Variants in CCDC3 observed in about 807,000 individuals in gnomAD.
CCDC3 encodes coiled-coil domain-containing protein 3.
In CCDC3, 24 loss-of-function variants were observed where a neutral mutation model predicts 21.4. The observed-to-expected ratio is 1.12, with a 90% CI of 0.81 to 1.58. The LOEUF (loss-of-function observed/expected upper bound fraction) is 1.58, where lower values mean the gene tolerates loss of function less well. Among genes scored for constraint, CCDC3 ranks in the 40% most tolerant of loss-of-function variants. The probability of loss-of-function intolerance (pLI) is 0.00; values close to 1 mark genes in which losing one functional copy is unlikely to be tolerated. For missense variants in CCDC3, 425 were observed against 360.9 expected, an observed-to-expected ratio of 1.18 and a Z score of -1.44; for synonymous variants, 186 against 166.0, an observed-to-expected ratio of 1.12 and a Z score of -0.93.
At chr10:12,916,731 G>T (rs543433953) in intron 2 of CCDC3, among the ~76,000 whole-genome samples, 1 of 152,326 alleles carries the variant, frequency 6.6e-6, no homozygotes, top group South Asian at 2.1e-4. Context: ...ATCTGGAACC[G>T]GAAGTAAGCC....
At chr10:13,029,050 T>C (rs1273162515) in intron 5 of CCDC3, among the ~76,000 whole-genome samples, 3 of 152,076 alleles carry the variant, frequency 2.0e-5, no homozygotes, top group African/African-American at 4.8e-5. Context: ...CTAAACAGGG[T>C]GTGCAGGTGT....
chr10:12,971,695 T>G (rs534089640), intron 2 of CCDC3, among the ~76,000 whole-genome samples: 37 of 152,150 alleles, frequency 2.4e-4, no homozygotes, highest in Non-Finnish European at 4.7e-4. Flanking sequence ...TTTTTATTTG[T>G]TTGTTTTCGA....
chr10:13,036,058 C>T (rs748652329), intron 5 of CCDC3, among the ~76,000 whole-genome samples: 2 of 152,088 alleles, frequency 1.3e-5, no homozygotes, highest in Non-Finnish European at 2.9e-5. Context: ...GCAGGGGAAT[C>T]GCTTGAACCC....
intron 2 of CCDC3, among the ~76,000 whole-genome samples, chr10:12,912,052 A>G (rs1450171207): frequency 2.0e-5 from 3 of 152,176 alleles, no homozygotes; most frequent in Non-Finnish European, 4.4e-5. Flanking sequence ...ATTGACAGAC[A>G]CTTTAGTTTG....
intron 4 of CCDC3, among the ~76,000 whole-genome samples, chr10:13,069,678 C>G (rs979041359): frequency 1.3e-5 from 2 of 151,994 alleles, no homozygotes; most frequent in Non-Finnish European, 2.9e-5. Flanking sequence ...CATTGGATTG[C>G]CAAAATGATG....
At chr10:12,940,763 C>A (rs1435629135) in intron 2 of CCDC3, among the ~76,000 whole-genome samples, 1 of 152,154 alleles carries the variant, frequency 6.6e-6, no homozygotes, top group Non-Finnish European at 1.5e-5. Context: ...TGAGAAAGAG[C>A]CTATAGCCTA....
At chr10:13,093,936 G>A (rs1290045991) in intron 3 of CCDC3, among the ~76,000 whole-genome samples, 3 of 152,262 alleles carry the variant, frequency 2.0e-5, no homozygotes, top group South Asian at 2.1e-4. Context: ...AGACAATGAC[G>A]AGGAACTGTG....
At chr10:12,978,691 G>A (rs1287071913) in intron 2 of CCDC3, among the ~76,000 whole-genome samples, 1 of 152,120 alleles carries the variant, frequency 6.6e-6, no homozygotes, top group Non-Finnish European at 1.5e-5. Context: ...CTAGTCTGCA[G>A]ACACGATGAC....
chr10:12,967,446 TAATC>T (rs1334921237), intron 2 of CCDC3, among the ~76,000 whole-genome samples: 1 of 152,028 alleles, frequency 6.6e-6, no homozygotes, highest in Non-Finnish European at 1.5e-5. Context: ...AAATAATAAA[TAATC>T]AACATTAGAA....
At chr10:12,917,676 G>A (rs916372867) in intron 2 of CCDC3, among the ~76,000 whole-genome samples, 1 of 152,154 alleles carries the variant, frequency 6.6e-6, no homozygotes, top group Non-Finnish European at 1.5e-5. Context: ...GGAACACAGT[G>A]TCTTTTAGTG....
intron 2 of CCDC3, among the ~76,000 whole-genome samples, chr10:12,963,986 G>A (rs1835220495): frequency 1.3e-5 from 2 of 152,154 alleles, no homozygotes; most frequent in African/African-American, 4.8e-5. Context: ...TAATTAAGCA[G>A]GCCTACAAGG....
At chr10:12,980,051 TATG>T (rs1449432673) in intron 2 of CCDC3, among the ~76,000 whole-genome samples, 24 of 152,370 alleles carry the variant, frequency 1.6e-4, no homozygotes, top group African/African-American at 5.3e-4. Context: ...GAGATTCTTT[TATG>T]ATGTTACATG....
intron 5 of CCDC3, among the ~76,000 whole-genome samples, chr10:13,043,589 G>T (rs900459246): frequency 6.6e-6 from 1 of 151,996 alleles, no homozygotes; most frequent in Non-Finnish European, 1.5e-5. Context: ...GTGAGACTTT[G>T]TCTCAAAAAA....
rs950440306 is a variant in CCDC3 at position 12,901,879 on chromosome 10, G to A, written c.550-3200C>T. On this transcript the variant is annotated intron_variant, in intron 2 of 2. Coordinates refer to ENST00000378825, the MANE Select transcript of CCDC3 (RefSeq NM_031455.4). ...CCAGCTCTTCCTCCAACACATCAGC[G>A]CTTTCTCATCCCAGAGGCTCTTCCT... Among the ~76,000 whole-genome samples, 5 of 152,132 alleles carry A rather than the reference G, an allele frequency of 3.3e-5. No individual in the cohort carries two copies. In the South Asian group the frequency reaches 1.0e-3, roughly 32 times the overall value.
At chr10:13,048,399 G>A (rs112305600) in intron 5 of CCDC3, among the ~76,000 whole-genome samples, 8,896 of 152,046 alleles carry the variant, frequency 0.059, 341 homozygotes, top group East Asian at 0.13. Context: ...TCACCATGTT[G>A]GCCAGGACAG....
chr10:12,987,163 C>A (rs928691022), intron 2 of CCDC3, among the ~76,000 whole-genome samples: 14 of 152,228 alleles, frequency 9.2e-5, no homozygotes, highest in Non-Finnish European at 7.3e-5. Context: ...AATTCATCGT[C>A]TCTCACCTCC....
At chr10:13,027,643 T>A (rs1836240486) in intron 5 of CCDC3, among the ~76,000 whole-genome samples, 1 of 151,328 alleles carries the variant, frequency 6.6e-6, no homozygotes, top group African/African-American at 2.4e-5. Context: ...CTTGGGAGTT[T>A]GAGGCTGCAG....
At chr10:12,932,324 A>T (rs1834658904) in intron 2 of CCDC3, among the ~76,000 whole-genome samples, 1 of 152,236 alleles carries the variant, frequency 6.6e-6, no homozygotes, top group African/African-American at 2.4e-5. Context: ...CTTACCTTAA[A>T]TGTGTTCAGA....
Position 12,980,247 on chromosome 10 carries a change from G to A in CCDC3, c.549+18091C>T, listed in dbSNP as rs537374888. ...CCCTGGGGGAAGCATGGCTCTGCCA[G>A]GTGTCACAGCTGATTTAACTAAAAG... On this transcript the variant is annotated intron_variant, in intron 2 of 2. Coordinates refer to ENST00000378825, the MANE Select transcript of CCDC3 (RefSeq NM_031455.4). 1.4e-4 allele frequency among the ~76,000 whole-genome samples: 21 copies of A among 152,314 alleles called. No homozygotes were observed. The South Asian group carries it at 2.7e-3, about 20-fold the overall frequency.
Sources: allele counts gnomAD v4.1 joint callset (sites outside exome capture counted in the v4.1 genomes callset), GRCh38; gene constraint gnomAD v4.1.1; transcripts MANE v1.5; gene names NCBI Gene and HGNC (gene_info 2026-07-23, HGNC 2026-07-21).